Variants in EPHB2 observed in about 807,000 individuals in gnomAD.
EPHB2 encodes EPH receptor B2, also known as ephrin type-B receptor 2.
EPHB2 carries 18 observed loss-of-function variants against 96.4 expected under a neutral mutation model. The ratio of observed to expected loss-of-function variants is 0.19; its 90% CI spans 0.13 to 0.28. EPHB2 has a LOEUF of 0.28. Ranked by LOEUF, EPHB2 falls within the 10% of genes least tolerant of loss-of-function variation. The pLI, the probability that EPHB2 is intolerant of heterozygous loss-of-function variation, is 1.00. For synonymous variants in EPHB2, 506 were observed against 534.1 expected (o/e 0.95, Z 0.72); for missense variants, 989 against 1,355.4 (o/e 0.73, Z 4.25).
At chr1:22,839,848 T>C (rs1033716554) in intron 3 of EPHB2, among the ~76,000 whole-genome samples, 1 of 152,108 alleles carries the variant, frequency 6.6e-6, no homozygotes, top group Non-Finnish European at 1.5e-5. Context: ...TGAAGCCCAG[T>C]GAACTAGACG....
intron 3 of EPHB2, among the ~76,000 whole-genome samples, chr1:22,844,814 C>G (rs1469188321): frequency 2.6e-5 from 4 of 152,160 alleles, no homozygotes; most frequent in Non-Finnish European, 4.4e-5. Flanking sequence ...TGATCCCAGT[C>G]CTTTGGGGTC....
chr1:22,792,816 C>T (rs1466905006), intron 3 of EPHB2, among the ~76,000 whole-genome samples: 2 of 152,186 alleles, frequency 1.3e-5, no homozygotes, highest in Admixed American at 1.3e-4. Flanking sequence ...GATACATCTA[C>T]AGACAGTGAA....
chr1:22,843,051 T>C (rs1469514795), intron 3 of EPHB2, among the ~76,000 whole-genome samples: 1 of 152,182 alleles, frequency 6.6e-6, no homozygotes, highest in African/African-American at 2.4e-5. Flanking sequence ...TGGCTGAATC[T>C]GAGCAATTAG....
rs76826147 is a variant in EPHB2, at chr1:22,913,757, A to G, written c.*187A>G. The G allele has an allele frequency of 3.7e-6, 6 of 1,606,428 alleles. No individual in the cohort carries two copies. The African/African-American group carries it at 5.3e-5, about 14-fold the overall frequency. ...AACATGCAACTCAAACGACGGAAAA[A>G]AAAAGGGAATGGGAAAAAAGAAAAC... On this transcript the variant is annotated 3_prime_UTR_variant, in exon 16 of 16. Coordinates refer to ENST00000374630, the MANE Select transcript of EPHB2 (RefSeq NM_017449.5). This position sits in a 1 kb window ranked among gnomAD's most constrained non-coding sequence, Gnocchi z 4.1.
intron 1 of EPHB2, among the ~76,000 whole-genome samples, chr1:22,770,917 G>C (rs1185601837): frequency 6.6e-6 from 1 of 152,088 alleles, no homozygotes; most frequent in Non-Finnish European, 1.5e-5. Context: ...GGTAAGTGGG[G>C]ACAATAATCA....
At chr1:22,728,913 T>C (rs181289141) in intron 1 of EPHB2, among the ~76,000 whole-genome samples, 41 of 151,930 alleles carry the variant, frequency 2.7e-4, no homozygotes, top group African/African-American at 9.9e-4. Flanking sequence ...GCGGGAGGAG[T>C]GTTTTCTCGG....
chr1:22,815,383 G>C (rs529789516), intron 3 of EPHB2, among the ~76,000 whole-genome samples: 52 of 152,368 alleles, frequency 3.4e-4, no homozygotes, highest in Non-Finnish European at 6.6e-4. Context: ...CCATAGAAAA[G>C]AAATGAGTTG....
intron 1 of EPHB2, among the ~76,000 whole-genome samples, chr1:22,711,258 G>A (rs1417525899): frequency 2.0e-5 from 3 of 147,494 alleles, no homozygotes; most frequent in Admixed American, 6.7e-5. Flanking sequence ...GTGCCAGGAG[G>A]AGGCGAAGGG....
At chr1:22,802,434 G>A (rs140277320) in intron 3 of EPHB2, among the ~76,000 whole-genome samples, 4 of 152,204 alleles carry the variant, frequency 2.6e-5, no homozygotes, top group Non-Finnish European at 5.9e-5. Flanking sequence ...GAGGTGGCAG[G>A]CTTTGAGAGA....
intron 1 of EPHB2, chr1:22,774,671 G>A (rs1644422840): frequency 8.3e-6 from 8 of 958,328 alleles, no homozygotes; most frequent in East Asian, 1.2e-4. Flanking sequence ...CAGGGGCCTC[G>A]AGTACCTTGT....
In EPHB2 at chr1:22,913,012, G is replaced by A. The variant is rs1452919585; in HGVS notation, c.2852+413G>A. On this transcript the variant is annotated intron_variant, in intron 15 of 15. Transcript: ENST00000374630. The surrounding 1 kb of genome is among the most constrained non-coding windows in gnomAD (Gnocchi z 4.1). Reference sequence around the variant, plus strand: ...GTTCAAGACCAGCCTGACCAACATGGTGAAACCCCGTCTCTACTAAAATGC... The same window carrying A: ...GTTCAAGACCAGCCTGACCAACATGATGAAACCCCGTCTCTACTAAAATGC... The A allele has an allele frequency of 8.5e-6, 3 of 351,136 alleles. No homozygotes were observed. The East Asian group carries it at 2.2e-4, about 26-fold the overall frequency. The allele number at this position is 351,136 out of a possible 1,614,324, so 21.8% of individuals were successfully genotyped here. A position where few individuals can be genotyped will look rare whatever the true frequency, so the allele number is the denominator to read the frequency against.
At chr1:22,809,675 A>G (rs941144639) in intron 3 of EPHB2, among the ~76,000 whole-genome samples, 1 of 152,140 alleles carries the variant, frequency 6.6e-6, no homozygotes, top group African/African-American at 2.4e-5. Flanking sequence ...TGAACCCAGG[A>G]CTGTCTAACT....
intron 5 of EPHB2, among the ~76,000 whole-genome samples, chr1:22,867,468 G>A (rs1166662044): frequency 6.6e-6 from 1 of 152,124 alleles, no homozygotes; most frequent in Non-Finnish European, 1.5e-5. Flanking sequence ...GGCTGAGAGG[G>A]TATGTTTGTG....
In EPHB2 at chr1:22,790,476, G is replaced by C. The variant is rs1010859006; in HGVS notation, c.811+5400G>C. On this transcript the variant is annotated intron_variant, in intron 3 of 15. Transcript: ENST00000374630. This position sits in a 1 kb window ranked among gnomAD's most constrained non-coding sequence, Gnocchi z 4.0. ...TCCCTGGAATGCCTTCTTTGCAGCAGCTGCCCGCACCCAAGTCTGTTTCTC... is the reference window on the plus strand; with the variant it reads ...TCCCTGGAATGCCTTCTTTGCAGCACCTGCCCGCACCCAAGTCTGTTTCTC... Among the ~76,000 whole-genome samples the C allele has an allele frequency of 6.6e-6, 1 of 152,132 alleles. No homozygotes were observed. Among genetic ancestry groups the C allele is most frequent in the Non-Finnish European group, 1.5e-5 (1 of 68,034 alleles).
intron 3 of EPHB2, among the ~76,000 whole-genome samples, chr1:22,808,502 G>A (rs1255684383): frequency 6.6e-6 from 1 of 152,234 alleles, no homozygotes; most frequent in East Asian, 1.9e-4. Flanking sequence ...GAAGGGGCCC[G>A]AGGCCAACTC....
chr1:22,906,235 G>A lies in EPHB2; in HGVS notation c.1888+126G>A, dbSNP rs1639911791. On this transcript the variant is annotated intron_variant, in intron 10 of 15. Transcript: ENST00000374630. This position sits in a 1 kb window ranked among gnomAD's most constrained non-coding sequence, Gnocchi z 4.8. ...CGCCTCAAAGGACCCCCCAAGGCCT[G>A]AAGGTTCAGAATGACCATGAAAGAA... 2 of 1,434,350 alleles carry A rather than the reference G, an allele frequency of 1.4e-6. No individual in the cohort carries two copies. Among genetic ancestry groups the A allele is most frequent in the East Asian group, 2.4e-5 (1 of 41,886 alleles). 88.9% of individuals were successfully genotyped at this position (1,434,350 alleles called of 1,614,324 possible).
rs1639901454 is a variant in EPHB2 at position 22,906,030 on chromosome 1, G to A, written c.1809G>A (p.Glu603=). 1 of 1,614,210 alleles carries A rather than the reference G, an allele frequency of 6.2e-7. No individual in the cohort carries two copies. ...MKIYIDPFTY[E]DPNEAVREFA... The stretch of plus-strand genomic sequence containing the variant: ...TCTACATCGATCCTTTCACCTACGA[G>A]GACCCCAACGAGGCAGTGCGGGAGT... The change falls in exon 10 of 16, where the codon GAG becomes GAA. Residue 603 remains glutamate, a synonymous_variant. Coordinates refer to ENST00000374630, the MANE Select transcript of EPHB2 (RefSeq NM_017449.5). The surrounding 1 kb of genome is among the most constrained non-coding windows in gnomAD (Gnocchi z 4.8).
Position 22,846,708 on chromosome 1 carries a change from C to T in EPHB2, c.812-16329C>T, listed in dbSNP as rs915394268. On this transcript the variant is annotated intron_variant, in intron 3 of 15. Coordinates refer to ENST00000374630, the MANE Select transcript of EPHB2 (RefSeq NM_017449.5). The surrounding 1 kb of genome is among the most constrained non-coding windows in gnomAD (Gnocchi z 4.3). ...TTTCCCATCTCCACCCCTCCGCCCA[C>T]GCTGCTCCCTCAGCCTCGCATGCTT... 6.6e-6 allele frequency among the ~76,000 whole-genome samples: 1 copy of T among 152,214 alleles called. No individual in the cohort carries two copies. Among genetic ancestry groups the T allele is most frequent in the South Asian group, 2.1e-4 (1 of 4,828 alleles).
chr1:22,790,432 C>T lies in EPHB2; in HGVS notation c.811+5356C>T, dbSNP rs1421068184. 1.3e-5 allele frequency among the ~76,000 whole-genome samples: 2 copies of T among 152,198 alleles called. No individual in the cohort carries two copies. Among genetic ancestry groups the T allele is most frequent in the Non-Finnish European group, 2.9e-5 (2 of 68,024 alleles). ...CTGGGGCTTCCTGCCAGCAGGTCTG[C>T]TGGGAGTGGCAGAAGGTGTCCCTGG... On this transcript the variant is annotated intron_variant, in intron 3 of 15. Transcript: ENST00000374630. The surrounding 1 kb of genome is among the most constrained non-coding windows in gnomAD (Gnocchi z 4.0).
Sources: allele counts gnomAD v4.1 joint callset (sites outside exome capture counted in the v4.1 genomes callset), GRCh38; gene constraint gnomAD v4.1.1; non-coding constraint Gnocchi (gnomAD v3.1); transcripts MANE v1.5; gene names NCBI Gene and HGNC (gene_info 2026-07-23, HGNC 2026-07-21).